Variants in NARS2 observed in about 807,000 individuals in gnomAD.
The protein encoded by NARS2 is asparaginyl-tRNA synthetase 2, mitochondrial, also known as asparaginyl-tRNA synthetase.
In NARS2, 60 loss-of-function variants were observed where a neutral mutation model predicts 62.9. The ratio of observed to expected loss-of-function variants is 0.95; its 90% CI spans 0.77 to 1.18. The LOEUF is 1.18. Ranked by LOEUF, NARS2 falls within the 50% of genes most tolerant of loss-of-function variation. NARS2 has a pLI of 0.00. For missense variants in NARS2, 619 were observed against 576.4 expected, an observed-to-expected ratio of 1.07 and a Z score of -0.76; for synonymous variants, 196 against 200.0, an observed-to-expected ratio of 0.98 and a Z score of 0.17.
intron 11 of NARS2, among the ~76,000 whole-genome samples, chr11:78,465,047 C>T (rs891229077): frequency 7.9e-5 from 12 of 152,306 alleles, no homozygotes; most frequent in Admixed American, 1.3e-4. Flanking sequence ...GAGGCTTCAG[C>T]GACACAGGAG....
At chr11:78,489,760 A>G (rs993615454) in intron 7 of NARS2, among the ~76,000 whole-genome samples, 6 of 152,186 alleles carry the variant, frequency 3.9e-5, no homozygotes, top group African/African-American at 1.4e-4. Flanking sequence ...AATTTACCCA[A>G]GAGAAATGAG....
chr11:78,497,962 C>A (rs1860129474), intron 6 of NARS2, among the ~76,000 whole-genome samples: 1 of 152,042 alleles, frequency 6.6e-6, no homozygotes, highest in Non-Finnish European at 1.5e-5. Flanking sequence ...GAGACCCAAG[C>A]AAAATTTAAT....
At chr11:78,450,544 CTG>C (rs1857932717) in intron 11 of NARS2, among the ~76,000 whole-genome samples, 1 of 151,992 alleles carries the variant, frequency 6.6e-6, no homozygotes, top group Non-Finnish European at 1.5e-5. Context: ...CTTAAGATAC[CTG>C]TATCTTTTGA....
intron 5 of NARS2, among the ~76,000 whole-genome samples, chr11:78,541,509 C>T (rs371764163): frequency 1.2e-4 from 19 of 152,126 alleles, no homozygotes; most frequent in African/African-American, 3.6e-4. Flanking sequence ...GATTAAAATG[C>T]TTTTAATATT....
At chr11:78,484,999 T>C (rs1304866389) in intron 7 of NARS2, among the ~76,000 whole-genome samples, 2 of 152,204 alleles carry the variant, frequency 1.3e-5, no homozygotes, top group Non-Finnish European at 2.9e-5. Flanking sequence ...CCATCAGTGA[T>C]AGACTGGATA....
chr11:78,549,283 G>A (rs1856000790), intron 5 of NARS2, among the ~76,000 whole-genome samples: 1 of 152,198 alleles, frequency 6.6e-6, no homozygotes, highest in African/African-American at 2.4e-5. Flanking sequence ...TGAACACTCA[G>A]CTCCTAAATC....
chr11:78,562,501 C>T (rs1245293141), intron 4 of NARS2, among the ~76,000 whole-genome samples: 1 of 152,160 alleles, frequency 6.6e-6, no homozygotes, highest in Non-Finnish European at 1.5e-5. Flanking sequence ...CAGAGAAGAA[C>T]AATCCCTGAT....
chr11:78,473,797 T>G (rs1375306602), intron 9 of NARS2, among the ~76,000 whole-genome samples: 1 of 152,236 alleles, frequency 6.6e-6, no homozygotes, highest in Non-Finnish European at 1.5e-5. Context: ...TATTTTCTAA[T>G]TGGCCCTTTC....
chr11:78,542,883 C>T (rs935598309), intron 5 of NARS2, among the ~76,000 whole-genome samples: 6 of 152,142 alleles, frequency 3.9e-5, no homozygotes, highest in East Asian at 1.9e-4. Flanking sequence ...CCCAACAGGG[C>T]GACAGAGCGA....
chr11:78,476,251 T>C (rs571300375), intron 9 of NARS2, among the ~76,000 whole-genome samples: 186 of 152,360 alleles, frequency 1.2e-3, no homozygotes, highest in African/African-American at 4.2e-3. Context: ...ATCCGTGTAC[T>C]GGTTGCTGTG....
intron 9 of NARS2, among the ~76,000 whole-genome samples, chr11:78,473,391 T>C (rs949761742): frequency 1.3e-5 from 2 of 152,230 alleles, no homozygotes; most frequent in Non-Finnish European, 2.9e-5. Flanking sequence ...TAATGCTGTT[T>C]GTTATGTCTG....
chr11:78,545,031 T>C (rs528326921), intron 5 of NARS2, among the ~76,000 whole-genome samples: 2 of 152,248 alleles, frequency 1.3e-5, no homozygotes, highest in East Asian at 3.9e-4. Context: ...TAATTTATAG[T>C]GGTCAAAGTC....
chr11:78,487,918 A>C (rs1446013565), intron 7 of NARS2, among the ~76,000 whole-genome samples: 1 of 152,226 alleles, frequency 6.6e-6, no homozygotes, highest in African/African-American at 2.4e-5. Flanking sequence ...TTGCCAGCAG[A>C]AATGCTTTTA....
At chr11:78,536,086 A>G (rs1243385552) in intron 5 of NARS2, among the ~76,000 whole-genome samples, 2 of 152,226 alleles carry the variant, frequency 1.3e-5, no homozygotes, top group Non-Finnish European at 2.9e-5. Context: ...TGGACTGTAG[A>G]TATGACGCAT....
chr11:78,467,553 A>AT lies in NARS2; in HGVS notation c.1027-1541dup, dbSNP rs1858672158. On this transcript the variant is annotated intron_variant, in intron 10 of 13. Coordinates refer to ENST00000281038, the MANE Select transcript of NARS2 (RefSeq NM_024678.6). ...ATCTTGTCTTTCAAAAAATAAATAA[A>AT]TAAATAAATAAATAAATTAATTAAT... Among the ~76,000 whole-genome samples the AT allele has an allele frequency of 6.6e-5, 10 of 151,192 alleles. No homozygotes were observed. The East Asian group carries it at 1.9e-3, about 29-fold the overall frequency.
intron 5 of NARS2, among the ~76,000 whole-genome samples, chr11:78,550,998 T>C (rs1381938431): frequency 6.6e-6 from 1 of 152,180 alleles, no homozygotes; most frequent in Non-Finnish European, 1.5e-5. Flanking sequence ...CGATTCCATT[T>C]ATATGAAAAG....
At chr11:78,529,702 T>C (rs897305067) in intron 5 of NARS2, among the ~76,000 whole-genome samples, 3 of 152,224 alleles carry the variant, frequency 2.0e-5, no homozygotes, top group Non-Finnish European at 4.4e-5. Flanking sequence ...CTTGTTTTTG[T>C]TGATTTAAAC....
At chr11:78,450,197 A>G (rs1235484615) in intron 11 of NARS2, among the ~76,000 whole-genome samples, 3 of 152,180 alleles carry the variant, frequency 2.0e-5, no homozygotes, top group Non-Finnish European at 4.4e-5. Flanking sequence ...TGGACTCTTA[A>G]ACTTCCACCC....
chr11:78,508,503 C>A (rs56901590), intron 6 of NARS2, among the ~76,000 whole-genome samples: 64 of 151,542 alleles, frequency 4.2e-4, no homozygotes, highest in African/African-American at 1.5e-3. Context: ...GCAGGAGAAT[C>A]ACTTGAACCC....
Sources: gnomAD v4.1 joint callset for allele counts (sites outside exome capture counted in the v4.1 genomes callset) on GRCh38, gnomAD v4.1.1 for gene constraint, MANE v1.5 for transcripts, NCBI Gene and HGNC (gene_info 2026-07-23, HGNC 2026-07-21) for gene names.